The following NFIB variants were observed in gnomAD, a reference collection of about 807,000 sequenced individuals.
NFIB encodes the protein nuclear factor I B.
A neutral mutation model predicts 61.5 loss-of-function variants in NFIB; 11 were observed. That is an observed-to-expected ratio of 0.18 (90% CI 0.11 to 0.30). NFIB has a LOEUF of 0.30. Ranked by LOEUF, NFIB falls within the 10% of genes least tolerant of loss-of-function variation. NFIB has a pLI of 1.00. For synonymous variants in NFIB, 260 were observed against 216.5 expected (o/e 1.20, Z -1.76); for missense variants, 471 against 608.9 (o/e 0.77, Z 2.38).
chr9:14,160,357 A>T (rs1192894200), intron 3 of NFIB, among the ~76,000 whole-genome samples: 1 of 152,230 alleles, frequency 6.6e-6, no homozygotes, highest in Non-Finnish European at 1.5e-5. Context: ...TTGAATGTTA[A>T]ACAACATTTA....
At chr9:14,506,402 C>T in the NFIB span, among the ~76,000 whole-genome samples, 7 of 152,250 alleles carry the variant, frequency 4.6e-5, no homozygotes, top group African/African-American at 1.4e-4. Flanking sequence ...AGAGGAACCC[C>T]TTGTCTCTAG....
chr9:14,260,655 C>T (rs571410696), intron 2 of NFIB, among the ~76,000 whole-genome samples: 7 of 152,262 alleles, frequency 4.6e-5, no homozygotes, highest in South Asian at 2.1e-4. Flanking sequence ...GTGTGCCAGT[C>T]GAGCATATCT....
chr9:14,184,125 T>C (rs1414877258), intron 2 of NFIB, among the ~76,000 whole-genome samples: 1 of 152,134 alleles, frequency 6.6e-6, no homozygotes, highest in Non-Finnish European at 1.5e-5. Flanking sequence ...CAGTTTTTCC[T>C]ATGACCCAAT....
At chr9:14,278,211 G>A (rs1005173824) in intron 2 of NFIB, among the ~76,000 whole-genome samples, 9 of 152,186 alleles carry the variant, frequency 5.9e-5, no homozygotes, top group African/African-American at 2.2e-4. Context: ...CATGGGAAGT[G>A]CAGTTGACTT....
chr9:14,307,507 G>T lies in NFIB; in HGVS notation c.44C>A (p.Pro15Gln). 1 of 1,603,436 alleles carries T rather than the reference G, an allele frequency of 6.2e-7. No homozygotes were observed. The highest frequency in any genetic ancestry group is 1.1e-5 in the South Asian group (1 of 90,004). Reference sequence around the variant, plus strand: ...ATGTGGAAGAAGTGCCTCGATGAATGGGTGAAATTCATCCTGTGGAAGACA... The same window carrying T: ...ATGTGGAAGAAGTGCCTCGATGAATTGGTGAAATTCATCCTGTGGAAGACA... ...PICLTQDEFHPFIEALLPHVR... is the reference protein window; with the variant it reads ...PICLTQDEFHQFIEALLPHVR... Residue 15 changes from proline to glutamine, a missense_variant, in exon 2 of 11, where the codon CCA (proline) becomes CAA (glutamine). Pro to Gln is a moderately conservative substitution (Grantham distance 76, BLOSUM62 -1). Around this residue, in one of 2 missense-constraint regions of NFIB, gnomAD observed 99 missense variants for 213.3 expected, o/e 0.46. Transcript: ENST00000380953. This position sits in a 1 kb window ranked among gnomAD's most constrained non-coding sequence, Gnocchi z 5.3.
chr9:14,319,588 A>G (rs2060617714), intron 1 of NFIB, among the ~76,000 whole-genome samples: 1 of 152,198 alleles, frequency 6.6e-6, no homozygotes, highest in Non-Finnish European at 1.5e-5. Flanking sequence ...CTATATGACC[A>G]TTTTATTTCT....
intron 2 of NFIB, among the ~76,000 whole-genome samples, chr9:14,245,595 G>A (rs781550003): frequency 3.9e-5 from 6 of 152,166 alleles, no homozygotes; most frequent in East Asian, 1.9e-4. Context: ...ACACATGGCC[G>A]GGCTCAGTGG....
chr9:14,205,287 A>AAGGAAG (rs2049556871), intron 2 of NFIB, among the ~76,000 whole-genome samples: 1 of 46,862 alleles, frequency 2.1e-5, no homozygotes, highest in African/African-American at 7.3e-5. Flanking sequence ...AGGGAGGGAA[A>AAGGAAG]GAAGAAAGGA....
At chr9:14,285,868 T>C (rs911274697) in intron 2 of NFIB, among the ~76,000 whole-genome samples, 1 of 151,622 alleles carries the variant, frequency 6.6e-6, no homozygotes, top group African/African-American at 2.4e-5. Context: ...CTTGTAAGAT[T>C]GGTATTATCT....
At chr9:14,116,382 C>T in intron 8 of NFIB, 36 bp from the exon 9 acceptor site, 1 of 1,449,562 alleles carries the variant, frequency 6.9e-7, no homozygotes, top group South Asian at 1.5e-5. Flanking sequence ...GTGAAGCAAT[C>T]CAAAAGGCAG....
the NFIB span, among the ~76,000 whole-genome samples, chr9:14,428,955 C>CCATCTAGT: frequency 6.6e-6 from 1 of 152,172 alleles, no homozygotes; most frequent in African/African-American, 2.4e-5. Flanking sequence ...AAAAGCAGCG[C>CCATCTAGT]CATCTAGTGG....
At chr9:14,378,642 A>C (rs574686652) in intron 1 of NFIB, among the ~76,000 whole-genome samples, 7 of 152,376 alleles carry the variant, frequency 4.6e-5, no homozygotes, top group African/African-American at 1.7e-4. Context: ...GGCGTGAGCC[A>C]CCACACCCAG....
At position 14,109,304 on chromosome 9, in the gene NFIB, T is replaced by C. The variant is rs533218763; in HGVS notation, c.1467+3695A>G. Reference sequence around the variant, plus strand: ...AAATTTGGGAAACGTGGTTCCTTCATTGCCTATCATAACGAATTTGCACAA... The same window carrying C: ...AAATTTGGGAAACGTGGTTCCTTCACTGCCTATCATAACGAATTTGCACAA... On this transcript the variant is annotated intron_variant, in intron 10 of 10. Coordinates refer to ENST00000380953, the MANE Select transcript of NFIB (RefSeq NM_001190737.2). Among the ~76,000 whole-genome samples, 7 of 152,222 alleles carry C rather than the reference T, an allele frequency of 4.6e-5. No homozygotes were observed. In the South Asian group the frequency reaches 1.0e-3, roughly 23 times the overall value.
chr9:14,146,582 A>T (rs1218831696), intron 6 of NFIB, 107 bp downstream of exon 6: 2 of 1,477,264 alleles, frequency 1.4e-6, no homozygotes, highest in Non-Finnish European at 1.9e-6. Context: ...TTATGAAAAA[A>T]ATATACAATC....
the NFIB span, among the ~76,000 whole-genome samples, chr9:14,413,877 A>C: frequency 6.6e-6 from 1 of 152,310 alleles, no homozygotes; most frequent in South Asian, 2.1e-4. Context: ...AAATATAGTG[A>C]AAAAAGCCAC....
intron 6 of NFIB, among the ~76,000 whole-genome samples, chr9:14,131,770 G>C (rs1482725172): frequency 6.6e-6 from 1 of 152,142 alleles, no homozygotes; most frequent in African/African-American, 2.4e-5. Context: ...CCCTTCCTCA[G>C]TCTGTAGCAG....
the NFIB span, among the ~76,000 whole-genome samples, chr9:14,419,604 G>T: frequency 1.3e-5 from 2 of 152,150 alleles, no homozygotes; most frequent in Non-Finnish European, 2.9e-5. Context: ...TGCATGTTAC[G>T]TAGCTGGCCC....
chr9:14,467,146 C>G, the NFIB span, among the ~76,000 whole-genome samples: 31 of 152,292 alleles, frequency 2.0e-4, no homozygotes, highest in African/African-American at 6.5e-4. Flanking sequence ...GTTTCCTTGA[C>G]AACTGTCATT....
At chr9:14,493,662 G>A in the NFIB span, among the ~76,000 whole-genome samples, 1 of 152,122 alleles carries the variant, frequency 6.6e-6, no homozygotes, top group African/African-American at 2.4e-5. Context: ...ACTGTTTCTT[G>A]CATGAATATT....
Sources: allele counts gnomAD v4.1 joint callset (sites outside exome capture counted in the v4.1 genomes callset), GRCh38; gene constraint gnomAD v4.1.1; regional missense constraint gnomAD v4.1.1; non-coding constraint Gnocchi (gnomAD v3.1); transcripts MANE v1.5; gene names NCBI Gene and HGNC (gene_info 2026-07-23, HGNC 2026-07-21).